Variants in KAZN observed in about 807,000 individuals in gnomAD.
The protein encoded by KAZN is kazrin, periplakin interacting protein, also known as kazrin.
A neutral mutation model predicts 87.4 loss-of-function variants in KAZN; 40 were observed. The observed-to-expected ratio is 0.46, with a 90% CI of 0.36 to 0.60. The LOEUF is 0.60. Among genes scored for constraint, KAZN ranks in the 20% least tolerant of loss-of-function variants. KAZN has a pLI of 0.00. For missense variants in KAZN, 898 were observed against 1,073.9 expected (o/e 0.84, Z 2.29); for synonymous variants, 466 against 458.3 (o/e 1.02, Z -0.22).
At chr1:13,960,029 A>G (rs1239711506) in intron 1 of KAZN, among the ~76,000 whole-genome samples, 1 of 152,176 alleles carries the variant, frequency 6.6e-6, no homozygotes, top group Non-Finnish European at 1.5e-5. Context: ...TAAAAAGTCC[A>G]AAAAACATGT....
chr1:14,021,329 A>G (rs925844309), intron 1 of KAZN, among the ~76,000 whole-genome samples: 2 of 152,210 alleles, frequency 1.3e-5, no homozygotes, highest in African/African-American at 4.8e-5. Flanking sequence ...TAGCATCTGT[A>G]TCACCTGGGA....
chr1:14,288,290 C>G (rs954043205), intron 2 of KAZN, among the ~76,000 whole-genome samples: 3 of 152,272 alleles, frequency 2.0e-5, no homozygotes, highest in African/African-American at 7.2e-5. Context: ...TAGAATTTGG[C>G]TGTGTATCCA....
chr1:14,170,920 A>G (rs1645942048), intron 1 of KAZN, among the ~76,000 whole-genome samples: 1 of 151,980 alleles, frequency 6.6e-6, no homozygotes, highest in East Asian at 1.9e-4. Context: ...TGGGGTTTCG[A>G]TGAGGCTGGT....
At chr1:14,255,073 T>C (rs1650383218) in intron 2 of KAZN, among the ~76,000 whole-genome samples, 1 of 146,326 alleles carries the variant, frequency 6.8e-6, no homozygotes, top group African/African-American at 2.6e-5. Flanking sequence ...TGAGCTGAGA[T>C]TGCGCCACTG....
intron 2 of KAZN, among the ~76,000 whole-genome samples, chr1:14,342,684 G>C (rs1657822002): frequency 6.6e-6 from 1 of 152,214 alleles, no homozygotes; most frequent in South Asian, 2.1e-4. Context: ...AAGGTGAGGA[G>C]AAAGAGGTTG....
At chr1:14,797,813 T>C (rs1271455810) in intron 1 of KAZN, among the ~76,000 whole-genome samples, 3 of 152,166 alleles carry the variant, frequency 2.0e-5, no homozygotes, top group African/African-American at 7.2e-5. Context: ...GTCTCTTTCA[T>C]TGAGTAGCCG....
intron 1 of KAZN, among the ~76,000 whole-genome samples, chr1:14,822,510 G>A (rs190603376): frequency 6.6e-6 from 1 of 152,296 alleles, no homozygotes; most frequent in East Asian, 1.9e-4. Context: ...TTCAGGTCTG[G>A]GGAGGGAATT....
chr1:14,582,879 T>C (rs1209137564), intron 2 of KAZN, among the ~76,000 whole-genome samples: 1 of 152,196 alleles, frequency 6.6e-6, no homozygotes, highest in East Asian at 1.9e-4. Flanking sequence ...AATCAAGCTC[T>C]TCCTGGCATG....
At chr1:14,726,232 G>C (rs748654686) in intron 1 of KAZN, among the ~76,000 whole-genome samples, 82 of 152,354 alleles carry the variant, frequency 5.4e-4, no homozygotes, top group Admixed American at 2.4e-3. Context: ...CAAGGAAGCA[G>C]CTCCCAGGTG....
chr1:14,586,784 C>T (rs1032599180), intron 2 of KAZN, among the ~76,000 whole-genome samples: 1 of 152,112 alleles, frequency 6.6e-6, no homozygotes, highest in African/African-American at 2.4e-5. Flanking sequence ...AAGTGATCCT[C>T]GTACCTTGGC....
In KAZN at chr1:14,587,849, C is replaced by A. The variant is rs1261247360; in HGVS notation, c.250-11134C>A. ...CACTATATCATTCCCCTTCTACGCACCTCCCCAGAAAAAAAGATGACTGTT... is the reference window on the plus strand; with the variant it reads ...CACTATATCATTCCCCTTCTACGCAACTCCCCAGAAAAAAAGATGACTGTT... On this transcript the variant is annotated intron_variant, in intron 2 of 16. Coordinates refer to the KAZN transcript ENST00000636203. Among the ~76,000 whole-genome samples the A allele has an allele frequency of 4.6e-5, 7 of 152,106 alleles. 1 individual carries two copies. In the East Asian group the frequency reaches 5.8e-4, roughly 13 times the overall value.
intron 1 of KAZN, among the ~76,000 whole-genome samples, chr1:14,740,162 G>C (rs894453332): frequency 6.6e-6 from 1 of 152,124 alleles, no homozygotes; most frequent in Non-Finnish European, 1.5e-5. Flanking sequence ...GAGGCAAATT[G>C]GTCCCTCCAC....
chr1:14,152,600 C>T (rs868206731), intron 1 of KAZN, among the ~76,000 whole-genome samples: 2 of 152,176 alleles, frequency 1.3e-5, no homozygotes, highest in Non-Finnish European at 2.9e-5. Flanking sequence ...TTGATGGACA[C>T]TTAAGTTGCT....
In KAZN at chr1:14,142,384, A is replaced by C. The variant is rs142747542; in HGVS notation, c.92-38051A>C. ...CAGGTTGTTCCTAACAGCAAATGTA[A>C]ATGAATGGAGAGGCTGCTTCTTAGC... On this transcript the variant is annotated intron_variant, in intron 1 of 16. Coordinates refer to the KAZN transcript ENST00000636203. 3.3e-3 allele frequency among the ~76,000 whole-genome samples: 504 copies of C among 152,280 alleles called. 9 individuals are homozygous for C. The highest frequency in any genetic ancestry group is 5.4e-3 in the East Asian group (28 of 5,184).
rs1360439117 is a variant in KAZN at position 14,883,151 on chromosome 1, T to C, written c.227-77533T>C. Among the ~76,000 whole-genome samples the C allele has an allele frequency of 2.0e-5, 3 of 151,396 alleles. No homozygotes were observed. The East Asian group carries it at 5.9e-4, about 30-fold the overall frequency. On this transcript the variant is annotated intron_variant, in intron 1 of 14. Coordinates refer to ENST00000376030, the MANE Select transcript of KAZN (RefSeq NM_201628.3). ...TCTCTACTAAAAATACAAAATTAGC[T>C]GGGCGTGATGGCACATGCCTGTAAT...
intron 1 of KAZN, among the ~76,000 whole-genome samples, chr1:13,978,493 TAA>T (rs1031379913): frequency 1.9e-4 from 18 of 97,254 alleles, no homozygotes; most frequent in Non-Finnish European, 3.2e-4. Flanking sequence ...GATATAGAGA[TAA>T]ATATATATAT....
At chr1:14,358,756 A>G (rs980130281) in intron 2 of KAZN, among the ~76,000 whole-genome samples, 1 of 152,166 alleles carries the variant, frequency 6.6e-6, no homozygotes, top group Non-Finnish European at 1.5e-5. Flanking sequence ...CTTAATCCTG[A>G]GTTCTAATTT....
At chr1:14,993,664 C>A (rs1667581640) in intron 2 of KAZN, among the ~76,000 whole-genome samples, 1 of 152,118 alleles carries the variant, frequency 6.6e-6, no homozygotes, top group African/African-American at 2.4e-5. Flanking sequence ...ATCGCGCTGA[C>A]CCTGGAGGCT....
intron 2 of KAZN, among the ~76,000 whole-genome samples, chr1:14,554,148 C>T (rs935710632): frequency 2.6e-5 from 4 of 152,124 alleles, no homozygotes; most frequent in Non-Finnish European, 4.4e-5. Context: ...TTCTATAACT[C>T]ATGTCACTGG....
Sources: gnomAD v4.1 joint callset for allele counts (sites outside exome capture counted in the v4.1 genomes callset) on GRCh38, gnomAD v4.1.1 for gene constraint, MANE v1.5 for transcripts, NCBI Gene and HGNC (gene_info 2026-07-23, HGNC 2026-07-21) for gene names.